The following KIFC3 variants were observed in gnomAD, a reference collection of about 807,000 sequenced individuals.
The protein encoded by KIFC3 is kinesin family member C3, also known as kinesin-like protein KIFC3.
Under a neutral mutation model 101.8 loss-of-function variants are expected in KIFC3, and 60 were observed. The observed-to-expected ratio is 0.59, with a 90% confidence interval of 0.48 to 0.73. KIFC3 has a LOEUF of 0.73. Among genes scored for constraint, KIFC3 ranks in the 30% least tolerant of loss-of-function variants. KIFC3 has a pLI of 0.00. For missense variants in KIFC3, 966 were observed against 1,137.1 expected, an observed-to-expected ratio of 0.85 and a Z score of 2.16; for synonymous variants, 476 against 482.7, an observed-to-expected ratio of 0.99 and a Z score of 0.18.
intron 3 of KIFC3, chr16:57,782,005 C>T: frequency 1.0e-6 from 1 of 985,394 alleles, no homozygotes; most frequent in Non-Finnish European, 1.2e-6. Flanking sequence ...GGAAACACGG[C>T]ACCATGGAAA....
At chr16:57,802,848 C>T, upstream of KIFC3, 1 of 1,028,336 alleles carries the variant, frequency 9.7e-7, no homozygotes, top group Non-Finnish European at 1.5e-6. This position sits in a 1 kb window ranked among gnomAD's most constrained non-coding sequence, Gnocchi z 5.0. Flanking sequence ...TTTGCACAGC[C>T]TCAAACCCGA....
intron 1 of KIFC3, among the ~76,000 whole-genome samples, chr16:57,825,628 T>C (rs1387983958): frequency 2.0e-5 from 3 of 152,204 alleles, no homozygotes; most frequent in Non-Finnish European, 4.4e-5. Flanking sequence ...TTAGGTTCTT[T>C]GGAAAACAAT....
intron 1 of KIFC3, among the ~76,000 whole-genome samples, chr16:57,842,381 A>T (rs2055832868): frequency 6.6e-6 from 1 of 152,082 alleles, no homozygotes; most frequent in Non-Finnish European, 1.5e-5. Context: ...ATATTTATGG[A>T]GTGAAGAAAT....
intron 1 of KIFC3, among the ~76,000 whole-genome samples, chr16:57,817,780 C>T (rs1380215021): frequency 6.6e-6 from 1 of 152,184 alleles, no homozygotes; most frequent in Non-Finnish European, 1.5e-5. Context: ...CATTATTCAA[C>T]TCAATACACC....
At chr16:57,858,587 C>CTATA (rs1441326943) in intron 1 of KIFC3, among the ~76,000 whole-genome samples, 1 of 152,074 alleles carries the variant, frequency 6.6e-6, no homozygotes, top group Non-Finnish European at 1.5e-5. Flanking sequence ...CATTAACTTT[C>CTATA]TATATCTCAC....
intron 1 of KIFC3, among the ~76,000 whole-genome samples, chr16:57,840,408 C>T (rs868417979): frequency 1.9e-4 from 29 of 152,154 alleles, no homozygotes; most frequent in African/African-American, 5.8e-4. Context: ...AGGAAGGATC[C>T]TTGAGCCCAG....
At chr16:57,838,545 C>G (rs1214476577) in intron 1 of KIFC3, among the ~76,000 whole-genome samples, 2 of 152,130 alleles carry the variant, frequency 1.3e-5, no homozygotes, top group Non-Finnish European at 2.9e-5. Context: ...AGCACAGCCC[C>G]GAGTGGGAAA....
At position 57,761,099 on chromosome 16, in the gene KIFC3, C is replaced by T. The variant is rs1555596694; in HGVS notation, c.1945G>A (p.Ala649Thr). The change falls in exon 15 of 20, where the codon GCG (alanine) becomes ACG (threonine). Residue 649 changes from alanine (A) to threonine (T), a missense_variant. Transcript: ENST00000445690. ...CCTCGCACCGTCACGATGAGCAGCG[C>T]GTGCGAGCGGGAGCTGTGCTCGTTC... The part of the protein sequence containing the change: ...NLNEHSSRSH[A>T]LLIVTVRGVD... 3.7e-6 allele frequency: 6 copies of T among 1,613,910 alleles called. No homozygotes were observed. Among genetic ancestry groups the T allele is most frequent in the Non-Finnish European group, 5.1e-6 (6 of 1,179,974 alleles).
chr16:57,802,852 A>G, upstream of KIFC3: 1 of 1,051,846 alleles, frequency 9.5e-7, no homozygotes, highest in East Asian at 2.6e-5. The surrounding 1 kb of genome is among the most constrained non-coding windows in gnomAD (Gnocchi z 5.0). Flanking sequence ...CACAGCCTCA[A>G]ACCCGAGTGC....
chr16:57,803,745 G>C (rs1472558011), upstream of KIFC3, among the ~76,000 whole-genome samples: 1 of 152,168 alleles, frequency 6.6e-6, no homozygotes, highest in East Asian at 1.9e-4. Context: ...CCTGATAGAG[G>C]GTGAATGTAA....
At chr16:57,847,273 AAGGGAGGGAGGGAGAGAGGGCGGGG>A (rs2055950178) in intron 1 of KIFC3, among the ~76,000 whole-genome samples, 1 of 66,828 alleles carries the variant, frequency 1.5e-5, no homozygotes, top group African/African-American at 6.1e-5. Flanking sequence ...GAAGGAAGGG[AAGGGAGGGAGGGAGAGAGGGCGGGG>A]AGGGAGGGAG....
At position 57,761,042 on chromosome 16, in the gene KIFC3, C is replaced by T; in HGVS notation, c.2002G>A (p.Gly668Arg). 1 of 1,607,886 alleles carries T rather than the reference C, an allele frequency of 6.2e-7. No individual in the cohort carries two copies. Among genetic ancestry groups the T allele is most frequent in the Non-Finnish European group, 8.5e-7 (1 of 1,176,758 alleles). Reference sequence around the variant, plus strand: ...AGGCCAGGCTGCCTGCCACTCTCACCCGTGGTGCGGAGGCCTGTGCTGCAG... The same window carrying T: ...AGGCCAGGCTGCCTGCCACTCTCACTCGTGGTGCGGAGGCCTGTGCTGCAG... Reference protein sequence around the residue: ...VDCSTGLRTTGKLNLVDLAGS... With the variant: ...VDCSTGLRTTRKLNLVDLAGS... Residue 668 changes from glycine (G) to arginine (R), a missense_variant and splice_region_variant, in exon 15 of 20, where the codon GGG (glycine) becomes AGG (arginine). Transcript: ENST00000445690.
At chr16:57,828,182 C>T (rs1317498290) in intron 1 of KIFC3, among the ~76,000 whole-genome samples, 1 of 152,238 alleles carries the variant, frequency 6.6e-6, no homozygotes, top group Non-Finnish European at 1.5e-5. Context: ...TCTCCTTCCT[C>T]ATCATGAGGG....
At chr16:57,856,924 T>C (rs538830276) in intron 1 of KIFC3, among the ~76,000 whole-genome samples, 40 of 152,250 alleles carry the variant, frequency 2.6e-4, no homozygotes, top group African/African-American at 9.4e-4. Flanking sequence ...AAAACTTAGG[T>C]CCAGATGGTT....
At position 57,764,196 on chromosome 16, in the gene KIFC3, C is replaced by T; in HGVS notation, c.1564G>A (p.Val522Ile). 6.4e-7 allele frequency: 1 copy of T among 1,565,702 alleles called. No individual in the cohort carries two copies. Among genetic ancestry groups the T allele is most frequent in the Non-Finnish European group, 8.7e-7 (1 of 1,149,548 alleles). ...LVTSCIDGFN[V>I]CIFAYGQTGA... ...GTCTGGCCGTACGCAAAGATGCAGACATTGAAGCCATCAATGCAAGAGGTG... is the reference window on the plus strand; with the variant it reads ...GTCTGGCCGTACGCAAAGATGCAGATATTGAAGCCATCAATGCAAGAGGTG... The change falls in exon 12 of 20, where the codon GTC (valine) becomes ATC (isoleucine). Residue 522 changes from valine (V) to isoleucine (I), a missense_variant. Physicochemically the swap from Val to Ile is conservative, Grantham distance 29 (BLOSUM62 3). This residue lies in a region of KIFC3 where 689 missense variants were observed against 884.6 expected (regional missense o/e 0.78). Coordinates refer to ENST00000445690, the MANE Select transcript of KIFC3 (RefSeq NM_001130100.2).
chr16:57,806,517 T>C (rs2054941679), upstream of KIFC3, among the ~76,000 whole-genome samples: 1 of 152,164 alleles, frequency 6.6e-6, no homozygotes, highest in Non-Finnish European at 1.5e-5. Flanking sequence ...TTTCGTTACT[T>C]GATCACAGGG....
chr16:57,798,401 G>C, intron 1 of KIFC3, 119 bp from the exon 2 acceptor site: 1 of 900,442 alleles, frequency 1.1e-6, no homozygotes. Context: ...ACCCAGCGCA[G>C]CAGCTCCAAC....
chr16:57,786,439 T>A (rs2053331367), intron 3 of KIFC3, among the ~76,000 whole-genome samples: 1 of 152,014 alleles, frequency 6.6e-6, no homozygotes, highest in Non-Finnish European at 1.5e-5. Flanking sequence ...GGGATGCTTG[T>A]TACAGCTTGC....
chr16:57,813,415 T>C (rs569003343), intron 1 of KIFC3, among the ~76,000 whole-genome samples: 6 of 152,230 alleles, frequency 3.9e-5, no homozygotes, highest in African/African-American at 9.6e-5. Flanking sequence ...GGAGGCACAG[T>C]GTCCCTGTCT....
Sources: gnomAD v4.1 joint callset for allele counts (sites outside exome capture counted in the v4.1 genomes callset) on GRCh38, gnomAD v4.1.1 for gene constraint, gnomAD v4.1.1 regional missense constraint, Gnocchi (gnomAD v3.1) non-coding constraint, MANE v1.5 for transcripts, NCBI Gene and HGNC (gene_info 2026-07-23, HGNC 2026-07-21) for gene names.